MOB3B: variants seen among roughly 807,000 people sequenced by gnomAD.
MOB3B encodes MOB kinase activator-like 2B.
MOB3B carries 7 observed loss-of-function variants against 18.7 expected under a neutral mutation model. The ratio of observed to expected loss-of-function variants is 0.37; its 90% CI spans 0.21 to 0.70. MOB3B has a LOEUF of 0.70. MOB3B is among the 30% of genes least tolerant of loss of function. The pLI, the probability that MOB3B is intolerant of heterozygous loss-of-function variation, is 0.52. For missense variants in MOB3B, 253 were observed against 281.3 expected, an observed-to-expected ratio of 0.90 and a Z score of 0.72; for synonymous variants, 111 against 99.9, an observed-to-expected ratio of 1.11 and a Z score of -0.66.
intron 2 of MOB3B, among the ~76,000 whole-genome samples, chr9:27,433,067 A>G (rs1343704397): frequency 6.6e-6 from 1 of 151,496 alleles, no homozygotes; most frequent in Non-Finnish European, 1.5e-5. Context: ...TTTTTTTTCT[A>G]AATGAGATTT....
At chr9:27,459,485 T>C (rs1361210909) in intron 1 of MOB3B, among the ~76,000 whole-genome samples, 15 of 152,086 alleles carry the variant, frequency 9.9e-5, no homozygotes, top group Admixed American at 6.5e-5. Flanking sequence ...ATCTCAAAAG[T>C]ATATGATCTG....
At chr9:27,518,005 T>C (rs1820265216) in intron 1 of MOB3B, among the ~76,000 whole-genome samples, 8 of 152,142 alleles carry the variant, frequency 5.3e-5, no homozygotes, top group Admixed American at 5.2e-4. Context: ...TATTCCTAGA[T>C]ACCACCCCCA....
At chr9:27,357,463 C>T (rs1488175851) in intron 3 of MOB3B, among the ~76,000 whole-genome samples, 1 of 151,778 alleles carries the variant, frequency 6.6e-6, no homozygotes, top group Non-Finnish European at 1.5e-5. Flanking sequence ...CAGGGTCTCA[C>T]ACTAACCACC....
chr9:27,357,954 G>C (rs1587152738), intron 3 of MOB3B, among the ~76,000 whole-genome samples: 1 of 146,250 alleles, frequency 6.8e-6, no homozygotes. Context: ...CAGCTACTTG[G>C]GAGGCTGAGG....
At chr9:27,386,840 C>T (rs1398052522) in intron 2 of MOB3B, among the ~76,000 whole-genome samples, 1 of 152,226 alleles carries the variant, frequency 6.6e-6, no homozygotes, top group Non-Finnish European at 1.5e-5. Context: ...AAGCACATTC[C>T]TCTCTGCAAT....
At chr9:27,511,583 T>A (rs1820145323) in intron 1 of MOB3B, among the ~76,000 whole-genome samples, 1 of 152,162 alleles carries the variant, frequency 6.6e-6, no homozygotes. Flanking sequence ...CCAAGGAAAG[T>A]ATGTTTTTTT....
intron 2 of MOB3B, among the ~76,000 whole-genome samples, chr9:27,428,034 T>A (rs1286719596): frequency 6.6e-6 from 1 of 152,192 alleles, no homozygotes; most frequent in Non-Finnish European, 1.5e-5. Context: ...TCCAGTTTAG[T>A]ACCTCCTGGG....
intron 1 of MOB3B, among the ~76,000 whole-genome samples, chr9:27,489,470 A>G (rs1055773917): frequency 1.3e-5 from 2 of 152,220 alleles, no homozygotes; most frequent in African/African-American, 4.8e-5. Context: ...AGCTCAAGCC[A>G]CACTTGCCTT....
At chr9:27,525,285 G>A (rs962689403) in intron 1 of MOB3B, among the ~76,000 whole-genome samples, 1 of 152,166 alleles carries the variant, frequency 6.6e-6, no homozygotes, top group African/African-American at 2.4e-5. Flanking sequence ...ACTTCACCAA[G>A]ACAATGGCTA....
intron 3 of MOB3B, among the ~76,000 whole-genome samples, chr9:27,343,534 G>A (rs186090382): frequency 6.7e-6 from 1 of 149,978 alleles, no homozygotes; most frequent in Non-Finnish European, 1.5e-5. Context: ...GAGTATGAGA[G>A]GAGACAAGTC....
chr9:27,392,641 T>A (rs773869740), intron 2 of MOB3B, among the ~76,000 whole-genome samples: 1 of 152,138 alleles, frequency 6.6e-6, no homozygotes. Flanking sequence ...GACGAGCCAT[T>A]TGATGTCCTG....
intron 1 of MOB3B, among the ~76,000 whole-genome samples, chr9:27,470,794 C>T (rs947382188): frequency 2.6e-5 from 4 of 152,146 alleles, no homozygotes; most frequent in African/African-American, 4.8e-5. Context: ...CCATCCCTGC[C>T]GCACTCATTT....
In MOB3B at chr9:27,472,332, C is replaced by G. The variant is rs181832581; in HGVS notation, c.-198-16584G>C. 2.6e-4 allele frequency among the ~76,000 whole-genome samples: 39 copies of G among 151,866 alleles called. 1 individual carries two copies. The highest frequency in any genetic ancestry group is 8.5e-4 in the African/African-American group (35 of 41,420). ...CTCCAAAGGCCTCAGGAACTTTTGCCCAGAGAAGTGTACTCCTCAAGCAAA... is the reference window on the plus strand; with the variant it reads ...CTCCAAAGGCCTCAGGAACTTTTGCGCAGAGAAGTGTACTCCTCAAGCAAA... On this transcript the variant is annotated intron_variant, in intron 1 of 3. Coordinates refer to ENST00000262244, the MANE Select transcript of MOB3B (RefSeq NM_024761.5).
At chr9:27,435,841 T>C (rs781348917) in intron 2 of MOB3B, among the ~76,000 whole-genome samples, 2 of 152,142 alleles carry the variant, frequency 1.3e-5, no homozygotes, top group South Asian at 2.1e-4. Flanking sequence ...CCTCAAGTGA[T>C]CCACCTGACT....
rs184028856 is a variant in MOB3B, at chr9:27,414,413, C to A, written c.418+40720G>T. On this transcript the variant is annotated intron_variant, in intron 2 of 3. Coordinates refer to ENST00000262244, the MANE Select transcript of MOB3B (RefSeq NM_024761.5). ...AGACTGTTGCAGATGTTTGCAGCTGCTGAGAGCCCATTCTGAAACTCATGG... is the reference window on the plus strand; with the variant it reads ...AGACTGTTGCAGATGTTTGCAGCTGATGAGAGCCCATTCTGAAACTCATGG... Among the ~76,000 whole-genome samples, 401 of 152,328 alleles carry A rather than the reference C, an allele frequency of 2.6e-3. 3 individuals are homozygous for A. Among genetic ancestry groups the A allele is most frequent in the Middle Eastern group, 0.014 (4 of 294 alleles).
intron 2 of MOB3B, among the ~76,000 whole-genome samples, chr9:27,445,195 G>A (rs1822671332): frequency 6.6e-6 from 1 of 152,082 alleles, no homozygotes; most frequent in South Asian, 2.1e-4. Context: ...AATTTTTTCA[G>A]CATTTAATTC....
rs543441740 is a variant in MOB3B at position 27,415,034 on chromosome 9, G to A, written c.418+40099C>T. 4.0e-5 allele frequency among the ~76,000 whole-genome samples: 6 copies of A among 151,884 alleles called. No individual in the cohort carries two copies. In the East Asian group the frequency reaches 1.2e-3, roughly 29 times the overall value. On this transcript the variant is annotated intron_variant, in intron 2 of 3. Coordinates refer to ENST00000262244, the MANE Select transcript of MOB3B (RefSeq NM_024761.5). ...GCACCACCATGCCTGGCTAATTTTT[G>A]TATTTTTAGTAGGGACGGGGTTTCA...
rs539286110 is a variant in MOB3B at position 27,506,722 on chromosome 9, G to A, written c.-199+22833C>T. The stretch of plus-strand genomic sequence containing the variant: ...ATTTTTTGTAATTTTAGTAGAGACG[G>A]GGTTTCACCGTGTTAGCCAGGATGG... On this transcript the variant is annotated intron_variant, in intron 1 of 3. Transcript: ENST00000262244. Among the ~76,000 whole-genome samples the A allele has an allele frequency of 1.2e-4, 18 of 152,036 alleles. No homozygotes were observed. The South Asian group carries it at 3.7e-3, about 32-fold the overall frequency.
At chr9:27,481,645 C>G (rs1479618646) in intron 1 of MOB3B, among the ~76,000 whole-genome samples, 1 of 151,584 alleles carries the variant, frequency 6.6e-6, no homozygotes, top group East Asian at 1.9e-4. Flanking sequence ...CCTGCCTCAG[C>G]CTCCCAAGTA....
Sources: allele counts gnomAD v4.1 joint callset (sites outside exome capture counted in the v4.1 genomes callset), GRCh38; gene constraint gnomAD v4.1.1; transcripts MANE v1.5; gene names NCBI Gene and HGNC (gene_info 2026-07-23, HGNC 2026-07-21).